FRMD6: variants seen among roughly 807,000 people sequenced by gnomAD.
The protein encoded by FRMD6 is FERM domain-containing protein 6.
FRMD6 carries 37 observed loss-of-function variants against 73.2 expected under a neutral mutation model. That is an observed-to-expected ratio of 0.51 (90% CI 0.39 to 0.66). The LOEUF (loss-of-function observed/expected upper bound fraction) is 0.66. Ranked by LOEUF, FRMD6 falls within the 30% of genes least tolerant of loss-of-function variation. The probability of loss-of-function intolerance (pLI) is 0.00; values close to 1 mark genes in which losing one functional copy is unlikely to be tolerated. For missense variants in FRMD6, 714 were observed against 780.5 expected, an observed-to-expected ratio of 0.91 and a Z score of 1.02; for synonymous variants, 273 against 282.2, an observed-to-expected ratio of 0.97 and a Z score of 0.33.
chr14:51,492,779 C>T (rs1331843663), intron 1 of FRMD6, among the ~76,000 whole-genome samples: 2 of 152,140 alleles, frequency 1.3e-5, no homozygotes, highest in African/African-American at 2.4e-5. Flanking sequence ...CATGACAGAA[C>T]CTGGCAAAGT....
At chr14:51,467,776 G>A in the FRMD6 span, among the ~76,000 whole-genome samples, 9 of 151,374 alleles carry the variant, frequency 5.9e-5, no homozygotes, top group Admixed American at 1.3e-4. Flanking sequence ...ACGGGATGAC[G>A]GCCAGGAAGA....
At chr14:51,698,120 G>T in intron 2 of FRMD6, 22 bp from the exon 3 acceptor site, 2 of 1,571,500 alleles carry the variant, frequency 1.3e-6, no homozygotes, top group Non-Finnish European at 1.7e-6. Context: ...GTTATTTTAC[G>T]TCGTGCCTTT....
intron 2 of FRMD6, among the ~76,000 whole-genome samples, chr14:51,608,774 C>T (rs1037200186): frequency 1.1e-4 from 16 of 152,144 alleles, no homozygotes; most frequent in African/African-American, 3.9e-4. Flanking sequence ...TTCATTCTTT[C>T]AATACACATG....
chr14:51,720,409 C>T lies in FRMD6; in HGVS notation c.1360+19C>T, dbSNP rs980057030. 3 of 1,607,964 alleles carry T rather than the reference C, an allele frequency of 1.9e-6. No individual in the cohort carries two copies. The South Asian group carries it at 3.3e-5, about 18-fold the overall frequency. On this transcript the variant is annotated intron_variant, in intron 11 of 13. Transcript: ENST00000344768. ...GACGATGGTAACAGTACTGTCCCCT[C>T]ACTGGCTCTCTGTTTAGTCTCCCAG...
chr14:51,708,337 AT>A, intron 7 of FRMD6, 104 bp downstream of exon 7: 1 of 1,085,474 alleles, frequency 9.2e-7, no homozygotes, highest in Non-Finnish European at 1.3e-6. Flanking sequence ...AACTTATTTC[AT>A]TTTTTACATG....
the FRMD6 span, among the ~76,000 whole-genome samples, chr14:51,428,094 A>G: frequency 1.3e-5 from 2 of 152,228 alleles, no homozygotes; most frequent in Admixed American, 6.5e-5. Flanking sequence ...ATTTTAAAAA[A>G]GACTCAAAGT....
At chr14:51,481,544 G>A in the FRMD6 span, among the ~76,000 whole-genome samples, 1 of 152,202 alleles carries the variant, frequency 6.6e-6, no homozygotes, top group Non-Finnish European at 1.5e-5. Flanking sequence ...TGGAGACACA[G>A]CCAAGCCATA....
chr14:51,495,940 C>T (rs137982121), intron 1 of FRMD6, among the ~76,000 whole-genome samples: 48 of 152,188 alleles, frequency 3.2e-4, no homozygotes, highest in African/African-American at 1.0e-3. Flanking sequence ...CCAAGATAGC[C>T]CCTAATGATG....
At chr14:51,519,692 T>C (rs746786488) in intron 1 of FRMD6, among the ~76,000 whole-genome samples, 1 of 152,146 alleles carries the variant, frequency 6.6e-6, no homozygotes, top group Non-Finnish European at 1.5e-5. Flanking sequence ...TGTAATGAAA[T>C]AGTGTCTGTA....
the FRMD6 span, among the ~76,000 whole-genome samples, chr14:51,427,320 T>A: frequency 6.6e-6 from 1 of 152,254 alleles, no homozygotes; most frequent in Non-Finnish European, 1.5e-5. Context: ...ACATTATTTA[T>A]TTGGCATATG....
the FRMD6 span, among the ~76,000 whole-genome samples, chr14:51,450,680 A>G: frequency 2.6e-5 from 4 of 152,216 alleles, no homozygotes; most frequent in Non-Finnish European, 4.4e-5. Context: ...ATGAGATCTC[A>G]TGATTTTTAA....
intron 11 of FRMD6, among the ~76,000 whole-genome samples, chr14:51,721,720 G>GAGGAAGGAAGGAAGGA (rs1311986319): frequency 5.2e-5 from 6 of 116,168 alleles, no homozygotes; most frequent in African/African-American, 2.0e-4. Flanking sequence ...GGAAGGAAGG[G>GAGGAAGGAAGGAAGGA]AGGGAGGAAG....
intron 1 of FRMD6, among the ~76,000 whole-genome samples, chr14:51,678,287 G>A (rs114922224): frequency 6.6e-6 from 1 of 152,092 alleles, no homozygotes; most frequent in East Asian, 1.9e-4. Context: ...GGATATTTTT[G>A]GTACTTGCAA....
At chr14:51,436,202 C>T in the FRMD6 span, 8 of 319,154 alleles carry the variant, frequency 2.5e-5, no homozygotes, top group Admixed American at 3.2e-4. Context: ...ATGAAATAGA[C>T]AGACTTAATG....
At chr14:51,579,046 G>T (rs907736007) in intron 2 of FRMD6, 1 of 152,134 alleles carries the variant, frequency 6.6e-6, no homozygotes, top group Admixed American at 6.6e-5. Flanking sequence ...GATCTAGGTG[G>T]GGCTGAAGAT....
At chr14:51,617,551 T>C (rs1431936882) in intron 2 of FRMD6, among the ~76,000 whole-genome samples, 5 of 152,212 alleles carry the variant, frequency 3.3e-5, no homozygotes, top group African/African-American at 4.8e-5. Context: ...GCTGCACATA[T>C]ATGTTTGAGA....
the FRMD6 span, among the ~76,000 whole-genome samples, chr14:51,412,990 A>ATTTTTTT: frequency 2.9e-4 from 39 of 134,152 alleles, no homozygotes; most frequent in African/African-American, 1.0e-3. Context: ...CCATAGTTAA[A>ATTTTTTT]TTTTTTTTTT....
chr14:51,447,172 G>A, the FRMD6 span, among the ~76,000 whole-genome samples: 1 of 152,166 alleles, frequency 6.6e-6, no homozygotes, highest in African/African-American at 2.4e-5. Context: ...AATGAGCAGA[G>A]GGCCTGCAGG....
chr14:51,485,284 G>T (rs1338647193), upstream of FRMD6, among the ~76,000 whole-genome samples: 1 of 152,142 alleles, frequency 6.6e-6, no homozygotes, highest in East Asian at 1.9e-4. Context: ...GGTCACATGG[G>T]TTTCTTCCCT....
Sources: allele counts gnomAD v4.1 joint callset (sites outside exome capture counted in the v4.1 genomes callset), GRCh38; gene constraint gnomAD v4.1.1; transcripts MANE v1.5; gene names NCBI Gene and HGNC (gene_info 2026-07-23, HGNC 2026-07-21).